The following MTO1 variants were observed in gnomAD, a reference collection of about 807,000 sequenced individuals.
MTO1 encodes the protein 5-taurinomethyluridine-[tRNA] synthase subunit MTO1, mitochondrial.
MTO1 carries 46 observed loss-of-function variants against 71.6 expected under a neutral mutation model. That is an observed-to-expected ratio of 0.64 (90% CI 0.51 to 0.82). The LOEUF (loss-of-function observed/expected upper bound fraction) is 0.82. Among genes scored for constraint, MTO1 ranks in the 40% least tolerant of loss-of-function variants. The pLI is 0.00. For synonymous variants in MTO1, 297 were observed against 312.1 expected (o/e 0.95, Z 0.51); for missense variants, 773 against 867.5 (o/e 0.89, Z 1.37).
At chr6:73,481,972 G>A (rs980216778) in intron 7 of MTO1, 68 bp from the exon 8 acceptor site, 1 of 1,532,554 alleles carries the variant, frequency 6.5e-7, no homozygotes, top group African/African-American at 1.4e-5. Flanking sequence ...TTTCTGAGTA[G>A]TGTTCTGAAT....
intron 10 of MTO1, among the ~76,000 whole-genome samples, chr6:73,493,393 G>GTGTGT (rs1771883651): frequency 1.1e-5 from 1 of 93,168 alleles, no homozygotes; most frequent in African/African-American, 3.7e-5. Flanking sequence ...TGTGTGTTTT[G>GTGTGT]GTTTTTTCTT....
Position 73,503,155 on chromosome 6 carries a change from C to T in MTO1, c.*2420C>T, listed in dbSNP as rs1053696699. On this transcript the variant is annotated 3_prime_UTR_variant, in exon 12 of 12. Coordinates refer to ENST00000498286, the MANE Select transcript of MTO1 (RefSeq NM_012123.4). The stretch of plus-strand genomic sequence containing the variant: ...ACAGGGTCTCACTCTGTTGCCCAGG[C>T]TGTAGTGCAGTGGTACAATCATAGC... The T allele has an allele frequency of 3.3e-5, 5 of 152,306 alleles. No individual in the cohort carries two copies. The highest frequency in any genetic ancestry group is 2.6e-4 in the Admixed American group (4 of 15,288). The allele number at this position is 152,306 out of a possible 1,614,324, so 9.4% of individuals were successfully genotyped here.
chr6:73,489,232 T>C (rs1771739397), intron 9 of MTO1, among the ~76,000 whole-genome samples: 1 of 152,034 alleles, frequency 6.6e-6, no homozygotes, highest in Admixed American at 6.6e-5. Context: ...CTTGTCAAAA[T>C]CATTTGATTA....
chr6:73,486,430 G>T lies in MTO1; in HGVS notation c.1637+3810G>T, dbSNP rs550258405. ...AACCCCATTCTACTCTGTTTCTATG[G>T]ATTTGACTAGAATCATACAGTATGT... On this transcript the variant is annotated intron_variant, in intron 9 of 11. Transcript: ENST00000498286. Among the ~76,000 whole-genome samples the T allele has an allele frequency of 4.2e-3, 422 of 99,366 alleles. 1 individual carries two copies. The highest frequency in any genetic ancestry group is 0.015 in the African/African-American group (386 of 25,384). The allele number at this position is 99,366 out of a possible 152,430, so 65.2% of individuals were successfully genotyped here.
chr6:73,498,570 G>A (rs766234363), intron 11 of MTO1, among the ~76,000 whole-genome samples: 42 of 151,870 alleles, frequency 2.8e-4, no homozygotes, highest in Non-Finnish European at 5.1e-4. Flanking sequence ...GACTAATTGT[G>A]AGAGGGTATA....
chr6:73,473,555 A>G lies in MTO1; in HGVS notation c.726A>G (p.Arg242=), dbSNP rs754401804. The change falls in exon 4 of 12, where the codon CGA becomes CGG. Residue 242 remains arginine, a synonymous_variant. Transcript: ENST00000498286. ...GGTTGAAGACTGGGACTCCACCCCG[A>G]ATTGCCAAAGAGTCCATTAATTTCA... ...VGRLKTGTPP[R]IAKESINFSI... is the part of the protein sequence containing the mutation. The G allele has an allele frequency of 3.3e-5, 53 of 1,613,958 alleles. No individual in the cohort carries two copies. In the Admixed American group the frequency reaches 6.0e-4, roughly 18 times the overall value.
At chr6:73,472,650 A>G (rs1771187363) in intron 3 of MTO1, among the ~76,000 whole-genome samples, 1 of 152,160 alleles carries the variant, frequency 6.6e-6, no homozygotes, top group Non-Finnish European at 1.5e-5. Context: ...GCAGTATGGT[A>G]ACTGCAGTTA....
rs1771211469 is a variant in MTO1 at position 73,473,454 on chromosome 6, C to A, written c.625C>A (p.Pro209Thr). The A allele has an allele frequency of 6.2e-7, 1 of 1,614,116 alleles. No individual in the cohort carries two copies. Among genetic ancestry groups the A allele is most frequent in the Non-Finnish European group, 8.5e-7 (1 of 1,180,020 alleles). The change falls in exon 4 of 12, where the codon CCA becomes ACA. Residue 209 changes from proline (P) to threonine (T), a missense_variant. Transcript: ENST00000498286. ...GATTGTAATTGGATTGGAGACGCAT[C>A]CAGCAGGACGTTTAGGGGATCAGCC... The part of the protein sequence containing the change: ...GMIVIGLETH[P>T]AGRLGDQPSI...
At chr6:73,471,640 A>T in intron 3 of MTO1, 1 of 207,492 alleles carries the variant, frequency 4.8e-6, no homozygotes, top group Non-Finnish European at 9.9e-6. Context: ...CTGGTCTTGA[A>T]CCCCAGGGCT....
chr6:73,492,439 C>A, intron 10 of MTO1, 87 bp downstream of exon 10: 2 of 873,034 alleles, frequency 2.3e-6, no homozygotes, highest in Non-Finnish European at 3.8e-6. Context: ...GTTGGACCAG[C>A]ACAGTGTTAG....
At chr6:73,484,203 T>G (rs1238542951) in intron 9 of MTO1, among the ~76,000 whole-genome samples, 1 of 152,206 alleles carries the variant, frequency 6.6e-6, no homozygotes, top group Non-Finnish European at 1.5e-5. Flanking sequence ...GGGATCTCAT[T>G]CATAGAAATG....
intron 7 of MTO1, among the ~76,000 whole-genome samples, chr6:73,481,791 C>T (rs1048058137): frequency 3.9e-5 from 6 of 151,958 alleles, no homozygotes; most frequent in Non-Finnish European, 7.4e-5. Flanking sequence ...GATTAGTCCC[C>T]GCAGAGTGCA....
Position 73,472,862 on chromosome 6 carries a change from A to T in MTO1, c.536-503A>T, listed in dbSNP as rs916563098. On this transcript the variant is annotated intron_variant, in intron 3 of 11. Coordinates refer to ENST00000498286, the MANE Select transcript of MTO1 (RefSeq NM_012123.4). ...TTTTTTATATGTCTGTTATATGTCG[A>T]TAAGTCTTGAAAAAACAAAAATATT... Among the ~76,000 whole-genome samples, 7 of 152,222 alleles carry T rather than the reference A, an allele frequency of 4.6e-5. No homozygotes were observed. The South Asian group carries it at 1.0e-3, about 22-fold the overall frequency.
At chr6:73,473,210 C>T (rs565154164) in intron 3 of MTO1, among the ~76,000 whole-genome samples, 155 bp from the exon 4 acceptor site, 103 of 152,268 alleles carry the variant, frequency 6.8e-4, no homozygotes, top group African/African-American at 2.3e-3. Flanking sequence ...ACCCGGGAGG[C>T]GGAGGTTGCA....
chr6:73,496,372 C>A (rs950115818), intron 10 of MTO1, among the ~76,000 whole-genome samples: 8 of 151,928 alleles, frequency 5.3e-5, no homozygotes, highest in African/African-American at 1.9e-4. Context: ...TTGAACAATC[C>A]CTTAACTAAA....
intron 1 of MTO1, among the ~76,000 whole-genome samples, chr6:73,465,038 A>G (rs913882195): frequency 2.0e-5 from 3 of 152,122 alleles, no homozygotes; most frequent in Non-Finnish European, 4.4e-5. Flanking sequence ...CTCACAAGAA[A>G]TTTGTAATTT....
Position 73,500,918 on chromosome 6 carries a change from C to A in MTO1, c.*183C>A. The A allele has an allele frequency of 4.5e-6, 2 of 445,892 alleles. No individual in the cohort carries two copies. The highest frequency in any genetic ancestry group is 7.5e-6 in the Non-Finnish European group (2 of 266,074). 27.6% of individuals were successfully genotyped at this position (445,892 alleles called of 1,614,324 possible). On this transcript the variant is annotated 3_prime_UTR_variant, in exon 12 of 12. Coordinates refer to ENST00000498286, the MANE Select transcript of MTO1 (RefSeq NM_012123.4). ...TTTTCGTGTATATGAAAAAACTAGT[C>A]GTAAACAATTTGTACTCTTTCTTTA...
intron 10 of MTO1, among the ~76,000 whole-genome samples, 168 bp downstream of exon 10, chr6:73,492,520 A>G (rs530358647): frequency 1.3e-5 from 2 of 152,232 alleles, no homozygotes; most frequent in South Asian, 4.1e-4. Context: ...TTAGAAATAC[A>G]GAATCTTGGC....
chr6:73,498,904 C>T (rs1429749441), intron 11 of MTO1, among the ~76,000 whole-genome samples: 1 of 151,652 alleles, frequency 6.6e-6, no homozygotes, highest in South Asian at 2.1e-4. Context: ...TTTTTTTGTA[C>T]TTTTAGCAGA....
Sources: gnomAD v4.1 joint callset for allele counts (sites outside exome capture counted in the v4.1 genomes callset) on GRCh38, gnomAD v4.1.1 for gene constraint, MANE v1.5 for transcripts, NCBI Gene and HGNC (gene_info 2026-07-23, HGNC 2026-07-21) for gene names.